The following MIER2 variants were observed in gnomAD, a reference collection of about 807,000 sequenced individuals.
MIER2 encodes the protein mesoderm induction early response protein 2.
A neutral mutation model predicts 67.6 loss-of-function variants in MIER2; 30 were observed. That is an observed-to-expected ratio of 0.44 (90% confidence interval 0.33 to 0.60). The LOEUF is 0.60. Among genes scored for constraint, MIER2 ranks in the 20% least tolerant of loss-of-function variants. The pLI, the probability that MIER2 is intolerant of heterozygous loss-of-function variation, is 0.02. For missense variants in MIER2, 702 were observed against 745.1 expected, an observed-to-expected ratio of 0.94 and a Z score of 0.67; for synonymous variants, 372 against 312.6, an observed-to-expected ratio of 1.19 and a Z score of -2.00.
intron 3 of MIER2, among the ~76,000 whole-genome samples, chr19:332,556 C>T (rs1001464833): frequency 6.7e-6 from 1 of 149,194 alleles, no homozygotes; most frequent in Non-Finnish European, 1.5e-5. Context: ...CCTGCCTCAG[C>T]CTCCCAAAGT....
At chr19:339,479 C>T (rs1264090796) in intron 1 of MIER2, among the ~76,000 whole-genome samples, 1 of 152,224 alleles carries the variant, frequency 6.6e-6, no homozygotes, top group African/African-American at 2.4e-5. Context: ...CAAAGTGGAA[C>T]TCTCCTGTGC....
chr19:317,802 T>A (rs1040981185), intron 7 of MIER2, among the ~76,000 whole-genome samples: 1 of 150,406 alleles, frequency 6.6e-6, no homozygotes, highest in Non-Finnish European at 1.5e-5. Context: ...AAGAGCAAGA[T>A]GGTGGCATTA....
In MIER2 at chr19:326,546, G is replaced by A. The variant is rs757953516; in HGVS notation, c.546C>T (p.Asp182=). Residue 182 remains aspartate, a synonymous_variant, in exon 6 of 14, where the codon GAC becomes GAT. Coordinates refer to ENST00000264819, the MANE Select transcript of MIER2 (RefSeq NM_017550.3). ...DREPGSSASS[D]TEEDSLPANK... ...TGGCAGGAAGAGAGTCCTCCTCGGT[G>A]TCGGAGGAGGCAGAAGAGCCAGGCT... 3.1e-6 allele frequency: 5 copies of A among 1,614,108 alleles called. No individual in the cohort carries two copies. Among genetic ancestry groups the A allele is most frequent in the Non-Finnish European group, 4.2e-6 (5 of 1,179,956 alleles).
intron 3 of MIER2, among the ~76,000 whole-genome samples, chr19:330,621 G>C (rs549118985): frequency 1.1e-4 from 17 of 151,588 alleles, no homozygotes; most frequent in African/African-American, 4.1e-4. Flanking sequence ...TCAACCCTAA[G>C]CCCCAACATG....
intron 10 of MIER2, among the ~76,000 whole-genome samples, chr19:311,271 G>A (rs1477085790): frequency 6.6e-6 from 1 of 152,258 alleles, no homozygotes; most frequent in Non-Finnish European, 1.5e-5. Context: ...TGACTGCCAA[G>A]AGGCTGGCTT....
intron 7 of MIER2, among the ~76,000 whole-genome samples, chr19:318,990 G>T (rs1207587510): frequency 6.8e-6 from 1 of 146,108 alleles, no homozygotes; most frequent in Non-Finnish European, 1.5e-5. Context: ...CCAGGAGGCG[G>T]AGCTTGCAGT....
Position 308,706 on chromosome 19 carries a change from G to A in MIER2, c.1110-41C>T. On this transcript the variant is annotated intron_variant, in intron 11 of 13. Transcript: ENST00000264819. This position sits in a 1 kb window ranked among gnomAD's most constrained non-coding sequence, Gnocchi z 9.1. The stretch of plus-strand genomic sequence containing the variant: ...GCCATGAGGGGCGGCAGACAGGACA[G>A]ACGCCCCCACCCAAGAGGTGCCGCC... 1.3e-6 allele frequency: 2 copies of A among 1,596,192 alleles called. No individual in the cohort carries two copies. The highest frequency in any genetic ancestry group is 1.7e-6 in the Non-Finnish European group (2 of 1,171,444).
chr19:325,785 G>C, intron 6 of MIER2, 81 bp from the exon 7 acceptor site: 5 of 1,494,558 alleles, frequency 3.3e-6, no homozygotes, highest in Non-Finnish European at 4.7e-6. Context: ...TGCTGTGGCA[G>C]GCTTACGGGG....
At chr19:330,281 T>C (rs1339255367) in intron 3 of MIER2, 1 of 152,032 alleles carries the variant, frequency 6.6e-6, no homozygotes, top group African/African-American at 2.4e-5. Context: ...GCACGGTGGC[T>C]CACGCCTGTA....
At chr19:331,833 T>G (rs1378195096) in intron 3 of MIER2, among the ~76,000 whole-genome samples, 1 of 151,612 alleles carries the variant, frequency 6.6e-6, no homozygotes, top group Non-Finnish European at 1.5e-5. Flanking sequence ...ATACAAAAAT[T>G]TGCCGGGCGT....
chr19:320,612 T>TCAAGTGGTGGCATTAGATC (rs1568225289), intron 7 of MIER2, among the ~76,000 whole-genome samples: 1 of 151,928 alleles, frequency 6.6e-6, no homozygotes, highest in Non-Finnish European at 1.5e-5. Context: ...GGCATTAGAT[T>TCAAGTGGTGGCATTAGATC]CTCATAGGAG....
chr19:320,944 C>A (rs1484844407), intron 7 of MIER2, among the ~76,000 whole-genome samples: 1 of 152,176 alleles, frequency 6.6e-6, no homozygotes, highest in Admixed American at 6.5e-5. Flanking sequence ...GAACACCAGA[C>A]AGAACGTCGG....
chr19:327,378 C>T, intron 4 of MIER2, 122 bp from the exon 5 acceptor site: 1 of 1,271,994 alleles, frequency 7.9e-7, no homozygotes, highest in Non-Finnish European at 1.1e-6. Context: ...CTGCTATTCC[C>T]ATTCTGCAAA....
At chr19:327,294 G>A in intron 4 of MIER2, 38 bp from the exon 5 acceptor site, 1 of 1,563,174 alleles carries the variant, frequency 6.4e-7, no homozygotes, top group Non-Finnish European at 8.6e-7. Flanking sequence ...ACATTTTACA[G>A]TTTAACAATC....
intron 7 of MIER2, 111 bp downstream of exon 7, chr19:325,524 G>C: frequency 1.6e-6 from 2 of 1,245,914 alleles, no homozygotes; most frequent in Non-Finnish European, 2.3e-6. Context: ...AGCTGCCCCA[G>C]TGAGCGATGC....
intron 6 of MIER2, 119 bp from the exon 7 acceptor site, chr19:325,823 A>G: frequency 2.8e-6 from 3 of 1,089,324 alleles, no homozygotes; most frequent in East Asian, 4.9e-5. Flanking sequence ...CCCCAGACCC[A>G]TCTGTGCCGT....
At chr19:335,726 C>G (rs557664280) in intron 2 of MIER2, among the ~76,000 whole-genome samples, 1 of 152,180 alleles carries the variant, frequency 6.6e-6, no homozygotes, top group Admixed American at 6.5e-5. Context: ...CCTGTCTCGC[C>G]GCCCTCCACC....
At chr19:340,116 CA>C (rs544515514) in intron 1 of MIER2, among the ~76,000 whole-genome samples, 2 of 152,102 alleles carry the variant, frequency 1.3e-5, no homozygotes, top group East Asian at 3.8e-4. Context: ...ATTCCCCTCA[CA>C]AAAAAACAAG....
intron 7 of MIER2, among the ~76,000 whole-genome samples, chr19:319,459 CTTTTTG>C (rs1486438185): frequency 1.3e-5 from 2 of 152,132 alleles, no homozygotes; most frequent in South Asian, 2.1e-4. Context: ...ATTGATAAAA[CTTTTTG>C]TTTTTGTTTT....
Sources: gnomAD v4.1 joint callset for allele counts (sites outside exome capture counted in the v4.1 genomes callset) on GRCh38, gnomAD v4.1.1 for gene constraint, Gnocchi (gnomAD v3.1) non-coding constraint, MANE v1.5 for transcripts, NCBI Gene and HGNC (gene_info 2026-07-23, HGNC 2026-07-21) for gene names.